Variants in TULP4 observed in about 807,000 individuals in gnomAD.
TULP4 encodes the protein TUB like protein 4.
Under a neutral mutation model 129.0 loss-of-function variants are expected in TULP4, and 16 were observed. That is an observed-to-expected ratio of 0.12 (90% CI 0.08 to 0.19). The LOEUF (loss-of-function observed/expected upper bound fraction) is 0.19. TULP4 is among the 10% of genes least tolerant of loss of function. The pLI is 1.00. For synonymous variants in TULP4, 998 were observed against 854.0 expected, an observed-to-expected ratio of 1.17 and a Z score of -2.94; for missense variants, 1,842 against 2,059.1, an observed-to-expected ratio of 0.89 and a Z score of 2.04.
intron 1 of TULP4, among the ~76,000 whole-genome samples, chr6:158,326,327 TTTTG>T (rs1460062619): frequency 1.3e-5 from 2 of 152,170 alleles, no homozygotes; most frequent in African/African-American, 4.8e-5. Context: ...TTTTGTTTTG[TTTTG>T]TTTTTGTTTT....
chr6:158,501,481 C>T (rs1030892031), intron 12 of TULP4, among the ~76,000 whole-genome samples, 197 bp from the exon 13 acceptor site: 1 of 152,182 alleles, frequency 6.6e-6, no homozygotes, highest in African/African-American at 2.4e-5. Context: ...AGCTAACAGA[C>T]AGCAGCAGGC....
intron 1 of TULP4, among the ~76,000 whole-genome samples, chr6:158,288,799 C>CA (rs1778877784): frequency 6.6e-6 from 1 of 152,170 alleles, no homozygotes; most frequent in South Asian, 2.1e-4. Context: ...CGCGCCCAGC[C>CA]ATGAGTGTTG....
At chr6:158,469,048 GCCTTT>G (rs1225876900) in intron 6 of TULP4, among the ~76,000 whole-genome samples, 4 of 152,108 alleles carry the variant, frequency 2.6e-5, no homozygotes, top group African/African-American at 9.7e-5. Context: ...ACTTCATTTG[GCCTTT>G]TGTTTTGTAT....
chr6:158,298,923 G>T (rs1391594186), intron 1 of TULP4, among the ~76,000 whole-genome samples: 1 of 152,176 alleles, frequency 6.6e-6, no homozygotes, highest in Non-Finnish European at 1.5e-5. Context: ...GCCAATTGGA[G>T]TCCCATAAAG....
chr6:158,427,415 C>T (rs1270091585), intron 2 of TULP4, among the ~76,000 whole-genome samples: 2 of 146,358 alleles, frequency 1.4e-5, no homozygotes, highest in Admixed American at 6.9e-5. Context: ...AACTACTTGC[C>T]AGCAGTTTTG....
At chr6:158,459,899 T>C (rs937934408) in intron 5 of TULP4, among the ~76,000 whole-genome samples, 3 of 152,218 alleles carry the variant, frequency 2.0e-5, no homozygotes, top group African/African-American at 7.2e-5. Flanking sequence ...TTCCCTGAGA[T>C]AGATCCAGGC....
chr6:158,284,436 C>T (rs1778804672), intron 1 of TULP4, among the ~76,000 whole-genome samples: 1 of 152,208 alleles, frequency 6.6e-6, no homozygotes. Context: ...AAGAATGCTA[C>T]CCTCTACCCG....
chr6:158,438,897 C>T (rs965763546), intron 3 of TULP4, among the ~76,000 whole-genome samples: 1 of 152,164 alleles, frequency 6.6e-6, no homozygotes, highest in Non-Finnish European at 1.5e-5. Context: ...ACAGGTTGGG[C>T]ACAGTGGCTC....
intron 1 of TULP4, among the ~76,000 whole-genome samples, chr6:158,294,795 G>A (rs893360839): frequency 6.6e-6 from 1 of 152,052 alleles, no homozygotes; most frequent in African/African-American, 2.4e-5. Context: ...ACAGTGGCGT[G>A]ATCTCAGCTT....
intron 6 of TULP4, among the ~76,000 whole-genome samples, chr6:158,472,994 A>G (rs116873280): frequency 2.2e-3 from 335 of 152,356 alleles, no homozygotes; most frequent in Non-Finnish European, 3.4e-3. Flanking sequence ...GTAGGCTTCA[A>G]TAATTTAGGC....
chr6:158,399,156 GTAA>G (rs1378360356), intron 1 of TULP4, among the ~76,000 whole-genome samples: 5 of 152,164 alleles, frequency 3.3e-5, no homozygotes, highest in African/African-American at 9.7e-5. Flanking sequence ...GACTTTTGAA[GTAA>G]TAGAAAAAAG....
upstream of TULP4, chr6:158,310,592 TC>T (rs1379926404): frequency 6.6e-6 from 1 of 152,120 alleles, no homozygotes; most frequent in Non-Finnish European, 1.5e-5. Flanking sequence ...GAGAGTTCAC[TC>T]ACTGTCAGAA....
rs187905215 is a variant in TULP4 at position 158,320,958 on chromosome 6, C to A, written c.252+6690C>A. Among the ~76,000 whole-genome samples the A allele has an allele frequency of 1.9e-3, 284 of 152,254 alleles. 3 individuals are homozygous for A. Among genetic ancestry groups the A allele is most frequent in the Middle Eastern group, 0.014 (4 of 294 alleles). On this transcript the variant is annotated intron_variant, in intron 1 of 13. Coordinates refer to ENST00000367097, the MANE Select transcript of TULP4 (RefSeq NM_020245.5). Reference sequence around the variant, plus strand: ...CTTTATTATAGTTATCTGCTTGCCTCGTTTGGTAAAACTTATTGGAAGATC... The same window carrying A: ...CTTTATTATAGTTATCTGCTTGCCTAGTTTGGTAAAACTTATTGGAAGATC...
chr6:158,269,849 G>A (rs747745699), intron 1 of TULP4, among the ~76,000 whole-genome samples: 6 of 152,218 alleles, frequency 3.9e-5, no homozygotes, highest in Non-Finnish European at 8.8e-5. Flanking sequence ...GTCAGGTGGT[G>A]GGAGAGCCAG....
chr6:158,394,350 T>C (rs1047640087), intron 1 of TULP4, among the ~76,000 whole-genome samples: 1 of 152,192 alleles, frequency 6.6e-6, no homozygotes, highest in Admixed American at 6.5e-5. Context: ...CCTCCTGTCT[T>C]CTGAGCCCTC....
chr6:158,386,553 T>A (rs1470818240), intron 1 of TULP4, among the ~76,000 whole-genome samples: 5 of 152,222 alleles, frequency 3.3e-5, no homozygotes, highest in Non-Finnish European at 5.9e-5. Flanking sequence ...CTATTTTTTT[T>A]ACAAAATAAT....
At chr6:158,275,028 T>G (rs749739590) in intron 1 of TULP4, among the ~76,000 whole-genome samples, 2 of 152,100 alleles carry the variant, frequency 1.3e-5, no homozygotes. Context: ...TAGAAAGAAA[T>G]AAGTAAGAAA....
rs561949433 is a variant in TULP4 at position 158,413,260 on chromosome 6, G to A, written c.381+67G>A. ...TAGAGGACTCCCAGACAGGCATTCC[G>A]GAGCCAGTGCGTTAGCACCACACAG... is the stretch of plus-strand genomic sequence containing the variant. On this transcript the variant is annotated intron_variant, in intron 2 of 13. Coordinates refer to ENST00000367097, the MANE Select transcript of TULP4 (RefSeq NM_020245.5). This position sits in a 1 kb window ranked among gnomAD's most constrained non-coding sequence, Gnocchi z 4.9. The A allele has an allele frequency of 1.2e-5, 19 of 1,533,584 alleles. No individual in the cohort carries two copies. The highest frequency in any genetic ancestry group is 4.6e-5 in the East Asian group (2 of 43,410). The allele number at this position is 1,533,584 out of a possible 1,614,324, so 95.0% of individuals were successfully genotyped here.
chr6:158,299,116 AGT>A (rs1269971587), intron 1 of TULP4, among the ~76,000 whole-genome samples: 1 of 151,564 alleles, frequency 6.6e-6, no homozygotes, highest in Non-Finnish European at 1.5e-5. Context: ...CGGAATGGGG[AGT>A]ATCCATACTA....
Sources: allele counts gnomAD v4.1 joint callset (sites outside exome capture counted in the v4.1 genomes callset), GRCh38; gene constraint gnomAD v4.1.1; non-coding constraint Gnocchi (gnomAD v3.1); transcripts MANE v1.5; gene names NCBI Gene and HGNC (gene_info 2026-07-23, HGNC 2026-07-21).